Variants in WASHC5 observed in about 807,000 individuals in gnomAD.
WASHC5 encodes WASH complex subunit 5.
WASHC5 carries 101 observed loss-of-function variants against 150.4 expected under a neutral mutation model. The ratio of observed to expected loss-of-function variants is 0.67; its 90% CI spans 0.57 to 0.79. WASHC5 has a LOEUF of 0.79. Ranked by LOEUF, WASHC5 falls within the 30% of genes least tolerant of loss-of-function variation. WASHC5 has a pLI of 0.00. For missense variants in WASHC5, 1,195 were observed against 1,396.3 expected, an observed-to-expected ratio of 0.86 and a Z score of 2.30; for synonymous variants, 467 against 491.2, an observed-to-expected ratio of 0.95 and a Z score of 0.65.
Position 125,037,222 on chromosome 8 carries a change from A to T in WASHC5, c.3181+15T>A. 1 of 1,460,086 alleles carries T rather than the reference A, an allele frequency of 6.8e-7. No homozygotes were observed. The highest frequency in any genetic ancestry group is 1.1e-5 in the South Asian group (1 of 87,784). The allele number at this position is 1,460,086 out of a possible 1,614,324, so 90.4% of individuals were successfully genotyped here. A position where few individuals can be genotyped will look rare whatever the true frequency, so the allele number is the denominator to read the frequency against. ...GGTATTGTTACTCATTGCAAATAATAAATGTTATACGTACCCAGATTTTTG... is the reference window on the plus strand; with the variant it reads ...GGTATTGTTACTCATTGCAAATAATTAATGTTATACGTACCCAGATTTTTG... On this transcript the variant is annotated intron_variant, in intron 26 of 28. Coordinates refer to ENST00000318410, the MANE Select transcript of WASHC5 (RefSeq NM_014846.4).
At position 125,061,170 on chromosome 8, in the gene WASHC5, T is replaced by A; in HGVS notation, c.1433A>T (p.Glu478Val). ...TAAAGACAATATTTGTTTTGAGATC[T>A]CTCTGAACCAAGCTTGAAGGTTTTC... is the stretch of plus-strand genomic sequence containing the variant. Reference protein sequence around the residue: ...KNENLQAWFREISKQILSLNY... With the variant: ...KNENLQAWFRVISKQILSLNY... The change falls in exon 12 of 29, where the codon GAG becomes GTG. Residue 478 changes from glutamate (E) to valine (V), a missense_variant. Physicochemically the swap from Glu to Val is moderately radical, Grantham distance 121. This residue lies in a region of WASHC5 where 997 missense variants were observed against 1,168.1 expected (regional missense o/e 0.85). Transcript: ENST00000318410. 1 of 1,607,246 alleles carries A rather than the reference T, an allele frequency of 6.2e-7. No individual in the cohort carries two copies. Among genetic ancestry groups the A allele is most frequent in the Admixed American group, 1.7e-5 (1 of 59,980 alleles).
Position 125,076,334 on chromosome 8 carries a change from T to A in WASHC5, c.864+14A>T, listed in dbSNP as rs767290332. ...ACACATTTACTGTAGAGGAAAAAAATTAGCAATACTTGCCCAATTATCTGG... is the reference window on the plus strand; with the variant it reads ...ACACATTTACTGTAGAGGAAAAAAAATAGCAATACTTGCCCAATTATCTGG... On this transcript the variant is annotated intron_variant, in intron 7 of 28. Transcript: ENST00000318410. 1.2e-6 allele frequency: 2 copies of A among 1,612,938 alleles called. No homozygotes were observed. The highest frequency in any genetic ancestry group is 1.7e-6 in the Non-Finnish European group (2 of 1,179,232).
chr8:125,071,152 G>C (rs1490790098), intron 9 of WASHC5, among the ~76,000 whole-genome samples: 2 of 152,204 alleles, frequency 1.3e-5, no homozygotes, highest in Non-Finnish European at 2.9e-5. Context: ...AAAAAGCAGA[G>C]GGCTTCACAG....
At chr8:125,085,038 C>T (rs944477349) in intron 1 of WASHC5, among the ~76,000 whole-genome samples, 1 of 152,168 alleles carries the variant, frequency 6.6e-6, no homozygotes, top group Non-Finnish European at 1.5e-5. Flanking sequence ...GTGCTGAACT[C>T]ATTCCTTGGC....
intron 5 of WASHC5, 95 bp downstream of exon 5, chr8:125,081,566 G>A (rs1817263352): frequency 1.3e-6 from 1 of 796,032 alleles, no homozygotes; most frequent in Non-Finnish European, 2.2e-6. Context: ...ATCTATTCTT[G>A]GATTACTGCT....
chr8:125,049,060 A>T lies in WASHC5; in HGVS notation c.2325T>A (p.Ser775=). The T allele has an allele frequency of 6.2e-7, 1 of 1,613,960 alleles. No homozygotes were observed. Among genetic ancestry groups the T allele is most frequent in the Non-Finnish European group, 8.5e-7 (1 of 1,179,884 alleles). ...GCTCCACGTTGTAATTTATGATACG[A>T]GATACTTCTTCCTGCCAAATCTTCA... ...YGLKIWQEEV[S]RIINYNVEQE... is the part of the protein sequence containing the mutation. Residue 775 remains serine (S), a synonymous_variant, in exon 19 of 29, where the codon TCT becomes TCA. Transcript: ENST00000318410.
chr8:125,044,451 A>G, intron 21 of WASHC5, 85 bp downstream of exon 21: 1 of 1,399,726 alleles, frequency 7.1e-7, no homozygotes, highest in South Asian at 1.2e-5. Flanking sequence ...AAGAAAGGTT[A>G]AGTGAGTTCA....
chr8:125,043,448 ATGTTC>A (rs1416748789), intron 23 of WASHC5, among the ~76,000 whole-genome samples: 1 of 152,228 alleles, frequency 6.6e-6, no homozygotes, highest in African/African-American at 2.4e-5. Flanking sequence ...CAGAGAGACA[ATGTTC>A]TGTTCTAACA....
chr8:125,065,603 G>A (rs1248326582), intron 10 of WASHC5, among the ~76,000 whole-genome samples: 1 of 151,422 alleles, frequency 6.6e-6, no homozygotes, highest in African/African-American at 2.4e-5. Flanking sequence ...CTGGTCTGAG[G>A]GCATTTCTTT....
chr8:125,048,862 C>A (rs1485700124), intron 19 of WASHC5, 144 bp downstream of exon 19: 4 of 670,108 alleles, frequency 6.0e-6, no homozygotes, highest in Non-Finnish European at 1.0e-5. Context: ...CACTTTTCTG[C>A]AACCCTCCTG....
At position 125,061,368 on chromosome 8, in the gene WASHC5, A is replaced by C. The variant is rs77535272; in HGVS notation, c.1409-174T>G. Reference sequence around the variant, plus strand: ...CTGGAGCATGCGACATAGTAGAATAAACTTTCTACATAAATAGCTTAGTCT... The same window carrying C: ...CTGGAGCATGCGACATAGTAGAATACACTTTCTACATAAATAGCTTAGTCT... On this transcript the variant is annotated intron_variant, in intron 11 of 28. Transcript: ENST00000318410. Among the ~76,000 whole-genome samples the C allele has an allele frequency of 0.026, 3,998 of 152,282 alleles. 182 individuals carry two copies. Among genetic ancestry groups the C allele is most frequent in the African/African-American group, 0.092 (3,828 of 41,530 alleles).
chr8:125,088,425 A>G (rs1484399396), intron 1 of WASHC5, among the ~76,000 whole-genome samples: 4 of 107,276 alleles, frequency 3.7e-5, no homozygotes, highest in Non-Finnish European at 7.5e-5. Context: ...ACTTCATCTC[A>G]AAAAAAAAAA....
chr8:125,044,260 A>T (rs1325411572), intron 21 of WASHC5, among the ~76,000 whole-genome samples, 166 bp from the exon 22 acceptor site: 1 of 152,224 alleles, frequency 6.6e-6, no homozygotes, highest in Non-Finnish European at 1.5e-5. Flanking sequence ...TGTTAGAAAC[A>T]TCCCTTGCTA....
At chr8:125,077,420 C>A (rs1303407596) in intron 6 of WASHC5, among the ~76,000 whole-genome samples, 3 of 152,236 alleles carry the variant, frequency 2.0e-5, no homozygotes, top group African/African-American at 7.2e-5. Flanking sequence ...GAAACTGTTT[C>A]TCAGGCCCAA....
chr8:125,044,177 G>A, intron 21 of WASHC5, 83 bp from the exon 22 acceptor site: 1 of 931,256 alleles, frequency 1.1e-6, no homozygotes. Flanking sequence ...ATGCTATGCA[G>A]AACAGAGGCT....
At chr8:125,076,595 T>G (rs1817069803) in intron 6 of WASHC5, 95 bp from the exon 7 acceptor site, 1 of 1,458,268 alleles carries the variant, frequency 6.9e-7, no homozygotes. Flanking sequence ...ACACATCAGT[T>G]TTTCCAAAGC....
rs570620848 is a variant in WASHC5, at chr8:125,032,166, G to A, written c.3335+75C>T. ...TCCCATCTCTATTAGGGCGATAAGA[G>A]GAATTTGGTAATGTGAGGTTTAAGT... On this transcript the variant is annotated intron_variant, in intron 27 of 28. Coordinates refer to ENST00000318410, the MANE Select transcript of WASHC5 (RefSeq NM_014846.4). The A allele has an allele frequency of 8.1e-5, 123 of 1,524,748 alleles. No homozygotes were observed. The South Asian group carries it at 1.1e-3, about 14-fold the overall frequency. The allele number at this position is 1,524,748 out of a possible 1,614,324, so 94.5% of individuals were successfully genotyped here. A position where few individuals can be genotyped will look rare whatever the true frequency, so the allele number is the denominator to read the frequency against.
intron 1 of WASHC5, among the ~76,000 whole-genome samples, chr8:125,085,490 A>AGT (rs1449855677): frequency 6.6e-6 from 1 of 152,220 alleles, no homozygotes. Flanking sequence ...GAACAGAGAG[A>AGT]GAAGCGGAGG....
At chr8:125,076,928 C>T (rs533433444) in intron 6 of WASHC5, among the ~76,000 whole-genome samples, 16 of 152,256 alleles carry the variant, frequency 1.1e-4, no homozygotes, top group South Asian at 8.3e-4. Flanking sequence ...GAATTCCCTA[C>T]GGTCGCTCAT....
Sources: gnomAD v4.1 joint callset for allele counts (sites outside exome capture counted in the v4.1 genomes callset) on GRCh38, gnomAD v4.1.1 for gene constraint, gnomAD v4.1.1 regional missense constraint, MANE v1.5 for transcripts, NCBI Gene and HGNC (gene_info 2026-07-23, HGNC 2026-07-21) for gene names.